Variants in MCF2L observed in about 807,000 individuals in gnomAD.
MCF2L encodes MCF.2 cell line derived transforming sequence like, also known as guanine nucleotide exchange factor DBS.
In MCF2L, 97 loss-of-function variants were observed where a neutral mutation model predicts 153.4. The ratio of observed to expected loss-of-function variants is 0.63; its 90% CI spans 0.54 to 0.75. The LOEUF (loss-of-function observed/expected upper bound fraction) is 0.75, where lower values mean the gene tolerates loss of function less well. MCF2L is among the 30% of genes least tolerant of loss of function. The probability of loss-of-function intolerance (pLI) is 0.00; values close to 1 mark genes in which losing one functional copy is unlikely to be tolerated. For synonymous variants in MCF2L, 659 were observed against 632.2 expected (o/e 1.04, Z -0.64); for missense variants, 1,347 against 1,495.2 (o/e 0.90, Z 1.64).
intron 27 of MCF2L, 196 bp from the exon 28 acceptor site, chr13:113,096,175 C>T: frequency 1.7e-6 from 1 of 599,960 alleles, no homozygotes; most frequent in Non-Finnish European, 3.0e-6. Context: ...TTCACAGACG[C>T]CTTCCATCGC....
chr13:113,014,899 G>A (rs1490682366), intron 2 of MCF2L, 53 bp downstream of exon 2: 1 of 1,559,104 alleles, frequency 6.4e-7, no homozygotes, highest in Non-Finnish European at 8.8e-7. Context: ...GGGGCCGGGT[G>A]TGGGCCGAGC....
chr13:112,919,269 G>A (rs946766831), intron 2 of MCF2L, among the ~76,000 whole-genome samples: 15 of 147,058 alleles, frequency 1.0e-4, no homozygotes, highest in African/African-American at 3.0e-4. Context: ...GCAGTGGCGG[G>A]ATCTCGGCTC....
chr13:112,938,867 G>C (rs752559585), intron 2 of MCF2L, among the ~76,000 whole-genome samples: 4 of 152,004 alleles, frequency 2.6e-5, no homozygotes, highest in African/African-American at 7.3e-5. Context: ...GCCAGCGCAG[G>C]GGGTGGGAGG....
intron 2 of MCF2L, among the ~76,000 whole-genome samples, chr13:112,936,270 ACT>A (rs2081513679): frequency 8.6e-6 from 1 of 115,636 alleles, no homozygotes; most frequent in Non-Finnish European, 1.7e-5. Context: ...ACAGAGTGAG[ACT>A]CTGTCTCAAA....
At chr13:113,007,819 A>G (rs2083808684) in intron 1 of MCF2L, among the ~76,000 whole-genome samples, 2 of 152,332 alleles carry the variant, frequency 1.3e-5, no homozygotes, top group African/African-American at 2.4e-5. Context: ...TTGAAGAAGC[A>G]GAAGATCCCT....
chr13:113,023,369 G>A lies in MCF2L; in HGVS notation c.164-1275G>A, dbSNP rs530636272. On this transcript the variant is annotated intron_variant, in intron 2 of 29. Transcript: ENST00000535094. ...CCTGTACTGAGGAGACGCCCACAGG[G>A]AGCCTCGGGGGCCCAGCGTCCCGGG... is the stretch of plus-strand genomic sequence containing the variant. Among the ~76,000 whole-genome samples, 4 of 152,362 alleles carry A rather than the reference G, an allele frequency of 2.6e-5. No homozygotes were observed. In the South Asian group the frequency reaches 8.3e-4, roughly 32 times the overall value.
Position 112,993,536 on chromosome 13 carries a change from G to A in MCF2L, c.80-21227G>A, listed in dbSNP as rs531901408. Among the ~76,000 whole-genome samples the A allele has an allele frequency of 1.5e-4, 23 of 152,234 alleles. No homozygotes were observed. The highest frequency in any genetic ancestry group is 8.3e-4 in the South Asian group (4 of 4,810). On this transcript the variant is annotated intron_variant, in intron 1 of 29. Transcript: ENST00000535094. The surrounding 1 kb of genome is among the most constrained non-coding windows in gnomAD (Gnocchi z 4.6). Reference sequence around the variant, plus strand: ...AGGCGTGGGATGAGGCTCCAGGATCGCAGCCACAGAAGTGGCAGTGGGAGG... The same window carrying A: ...AGGCGTGGGATGAGGCTCCAGGATCACAGCCACAGAAGTGGCAGTGGGAGG...
Position 113,070,010 on chromosome 13 carries a change from C to T in MCF2L, c.882-49C>T. 1 of 1,393,880 alleles carries T rather than the reference C, an allele frequency of 7.2e-7. No homozygotes were observed. The highest frequency in any genetic ancestry group is 1.2e-5 in the South Asian group (1 of 83,080). The allele number at this position is 1,393,880 out of a possible 1,614,324, so 86.3% of individuals were successfully genotyped here. A position where few individuals can be genotyped will look rare whatever the true frequency, so the allele number is the denominator to read the frequency against. On this transcript the variant is annotated intron_variant, in intron 8 of 29. Transcript: ENST00000535094. The surrounding 1 kb of genome is among the most constrained non-coding windows in gnomAD (Gnocchi z 5.6). ...TGAACACCCACCGCGCTCCACGTTG[C>T]ATGGGGCGCCGTGGGCCACACAGAC...
intron 1 of MCF2L, among the ~76,000 whole-genome samples, chr13:112,972,578 G>T (rs990197424): frequency 8.3e-5 from 12 of 145,244 alleles, no homozygotes; most frequent in Non-Finnish European, 1.7e-4. Context: ...TGATGAATGG[G>T]TAGATGGATG....
chr13:112,922,121 G>T (rs1051363949), intron 2 of MCF2L, among the ~76,000 whole-genome samples: 5 of 152,200 alleles, frequency 3.3e-5, no homozygotes, highest in Admixed American at 6.5e-5. Context: ...AGCAGCCCCT[G>T]CCAGAGGGCA....
chr13:113,080,677 C>T (rs1016995878), intron 15 of MCF2L, among the ~76,000 whole-genome samples: 3 of 152,224 alleles, frequency 2.0e-5, no homozygotes, highest in African/African-American at 4.8e-5. Context: ...ACCACCACTG[C>T]CCACCTGCTG....
intron 2 of MCF2L, among the ~76,000 whole-genome samples, chr13:112,919,196 A>G (rs1338879030): frequency 6.8e-6 from 1 of 147,814 alleles, no homozygotes; most frequent in African/African-American, 2.5e-5. Context: ...CTATCAGGTA[A>G]GAATTTGCAT....
At chr13:113,001,888 G>C in intron 1 of MCF2L, 1 of 1,580,570 alleles carries the variant, frequency 6.3e-7, no homozygotes, top group African/African-American at 1.4e-5. Flanking sequence ...CGGGTCGGGG[G>C]CTCCTGACTC....
intron 2 of MCF2L, among the ~76,000 whole-genome samples, chr13:112,950,783 G>A (rs1452589180): frequency 1.3e-5 from 2 of 152,090 alleles, no homozygotes; most frequent in Non-Finnish European, 2.9e-5. Context: ...AAAGTTTTAG[G>A]AAAAAATATA....
At chr13:113,026,387 G>T (rs1018701781) in intron 3 of MCF2L, among the ~76,000 whole-genome samples, 12 of 152,196 alleles carry the variant, frequency 7.9e-5, no homozygotes, top group Non-Finnish European at 1.8e-4. Context: ...TCATGGTTCC[G>T]AGGAGCTCAG....
chr13:112,927,439 C>T (rs2081419165), intron 2 of MCF2L, among the ~76,000 whole-genome samples: 1 of 152,126 alleles, frequency 6.6e-6, no homozygotes, highest in South Asian at 2.1e-4. Flanking sequence ...CATGTCATTC[C>T]CACTGAGAAG....
intron 1 of MCF2L, among the ~76,000 whole-genome samples, chr13:112,989,257 C>T (rs71446927): frequency 6.9e-6 from 1 of 145,726 alleles, no homozygotes; most frequent in African/African-American, 2.6e-5. Context: ...CTACCACGCC[C>T]GAGTCCTCCC....
At chr13:113,025,159 CG>C in intron 3 of MCF2L, among the ~76,000 whole-genome samples, 4 of 90,632 alleles carry the variant, frequency 4.4e-5, no homozygotes, top group African/African-American at 1.7e-4. Flanking sequence ...ATGCGGTCCC[CG>C]TGACTGTGGG....
rs573333048 is a variant in MCF2L at position 112,953,625 on chromosome 13, G to A, written c.169+51254G>A. Among the ~76,000 whole-genome samples, 3 of 152,344 alleles carry A rather than the reference G, an allele frequency of 2.0e-5. No homozygotes were observed. In the South Asian group the frequency reaches 6.2e-4, roughly 32 times the overall value. On this transcript the variant is annotated intron_variant, in intron 2 of 29. Transcript: ENST00000375608. ...TGCCTGCAGACTTCACCTGTGGCCG[G>A]TGGTTCTAGAGGCCTGGGCAGGAGA...
Sources: allele counts gnomAD v4.1 joint callset (sites outside exome capture counted in the v4.1 genomes callset), GRCh38; gene constraint gnomAD v4.1.1; non-coding constraint Gnocchi (gnomAD v3.1); transcripts MANE v1.5; gene names NCBI Gene and HGNC (gene_info 2026-07-23, HGNC 2026-07-21).